Variants in ADGRL3 observed in about 807,000 individuals in gnomAD.
ADGRL3 encodes the protein adhesion G protein-coupled receptor L3, also known as calcium-independent alpha-latrotoxin receptor 3.
ADGRL3 carries 62 observed loss-of-function variants against 153.5 expected under a neutral mutation model. The ratio of observed to expected loss-of-function variants is 0.40; its 90% CI spans 0.33 to 0.50. The LOEUF is 0.50. Among genes scored for constraint, ADGRL3 ranks in the 20% least tolerant of loss-of-function variants. The pLI is 0.47. For synonymous variants in ADGRL3, 710 were observed against 672.5 expected, an observed-to-expected ratio of 1.06 and a Z score of -0.86; for missense variants, 1,641 against 1,859.4, an observed-to-expected ratio of 0.88 and a Z score of 2.16.
intron 13 of ADGRL3, 134 bp from the exon 14 acceptor site, chr4:61,934,705 CA>C (rs2098831096): frequency 6.8e-6 from 4 of 592,074 alleles, no homozygotes; most frequent in African/African-American, 1.8e-5. Context: ...CAGCATGTCA[CA>C]GGGGAGGCTG....
intron 2 of ADGRL3, among the ~76,000 whole-genome samples, chr4:61,411,316 C>T (rs1448638723): frequency 2.0e-5 from 3 of 152,138 alleles, no homozygotes; most frequent in Non-Finnish European, 4.4e-5. Context: ...AGTTATTTCA[C>T]TGACTGTCTC....
intron 14 of ADGRL3, 124 bp downstream of exon 14, chr4:61,935,147 T>C: frequency 1.3e-6 from 1 of 772,104 alleles, no homozygotes; most frequent in South Asian, 1.9e-5. Context: ...AAAGTCATTC[T>C]TTTTCTAAAA....
chr4:61,380,526 T>G (rs1436878702), intron 1 of ADGRL3, among the ~76,000 whole-genome samples: 1 of 152,034 alleles, frequency 6.6e-6, no homozygotes, highest in Non-Finnish European at 1.5e-5. Context: ...TATATGTGAT[T>G]GCTTTACAAA....
intron 9 of ADGRL3, among the ~76,000 whole-genome samples, chr4:61,889,560 A>G (rs1486853303): frequency 6.6e-6 from 1 of 152,182 alleles, no homozygotes. Flanking sequence ...AAGGTAGAGA[A>G]TGATTTGAAT....
At chr4:61,609,504 C>T (rs757313877) in intron 5 of ADGRL3, among the ~76,000 whole-genome samples, 2 of 151,946 alleles carry the variant, frequency 1.3e-5, no homozygotes, top group African/African-American at 2.4e-5. Flanking sequence ...AAGGAGTAAA[C>T]ATGGTTCATG....
Position 61,809,773 on chromosome 4 carries a change from G to A in ADGRL3, c.1400-4036G>A, listed in dbSNP as rs74844645. On this transcript the variant is annotated intron_variant, in intron 8 of 26. Coordinates refer to ENST00000683033, the MANE Select transcript of ADGRL3 (RefSeq NM_001387552.1). The stretch of plus-strand genomic sequence containing the variant: ...ATGCCAAACACCGAGAAAGGCACCT[G>A]TGCCTCATGAATTAATGAACAAAAG... Among the ~76,000 whole-genome samples, 916 of 151,834 alleles carry A rather than the reference G, an allele frequency of 6.0e-3. 14 individuals carry two copies. Among genetic ancestry groups the A allele is most frequent in the African/African-American group, 0.021 (878 of 41,410 alleles).
At chr4:61,258,435 T>A (rs2092205595) in intron 1 of ADGRL3, among the ~76,000 whole-genome samples, 1 of 152,200 alleles carries the variant, frequency 6.6e-6, no homozygotes, top group Admixed American at 6.5e-5. Context: ...TTCTGGTTTT[T>A]GTTCTGCTCC....
intron 13 of ADGRL3, among the ~76,000 whole-genome samples, chr4:61,923,919 A>G (rs986646105): frequency 6.6e-6 from 1 of 152,072 alleles, no homozygotes; most frequent in Non-Finnish European, 1.5e-5. Flanking sequence ...GTCTCCAAAT[A>G]TTTACTGTTT....
At chr4:61,937,157 C>T (rs1045798559) in intron 15 of ADGRL3, among the ~76,000 whole-genome samples, 1 of 152,178 alleles carries the variant, frequency 6.6e-6, no homozygotes, top group African/African-American at 2.4e-5. Context: ...TGCCCTCCAA[C>T]AGTATAGCCT....
chr4:61,256,937 G>T (rs2092024892), intron 1 of ADGRL3, among the ~76,000 whole-genome samples: 3 of 151,982 alleles, frequency 2.0e-5, no homozygotes, highest in African/African-American at 4.8e-5. Context: ...TCTTATACTT[G>T]AGGTCTTTTA....
At chr4:61,647,304 G>A (rs1421168217) in intron 5 of ADGRL3, among the ~76,000 whole-genome samples, 7 of 151,932 alleles carry the variant, frequency 4.6e-5, no homozygotes, top group Non-Finnish European at 7.4e-5. Flanking sequence ...GCTCCTCCCC[G>A]ATTTAACTTT....
intron 4 of ADGRL3, among the ~76,000 whole-genome samples, chr4:61,521,816 A>G (rs1415748064): frequency 2.6e-5 from 4 of 152,110 alleles, no homozygotes; most frequent in Non-Finnish European, 5.9e-5. Context: ...GTTGTTAACC[A>G]ACCATTTACT....
intron 25 of ADGRL3, among the ~76,000 whole-genome samples, chr4:62,052,989 A>G (rs919433435): frequency 1.3e-5 from 2 of 151,508 alleles, no homozygotes; most frequent in Non-Finnish European, 3.0e-5. Flanking sequence ...TTATAATTCA[A>G]AATTTTAAAA....
At chr4:61,874,897 T>C (rs1048808858) in intron 9 of ADGRL3, among the ~76,000 whole-genome samples, 5 of 137,826 alleles carry the variant, frequency 3.6e-5, no homozygotes, top group South Asian at 5.0e-4. Flanking sequence ...CAAGCTCCGC[T>C]TCCCGGGTTC....
chr4:61,903,929 A>AT lies in ADGRL3; in HGVS notation c.1888-5621dup, dbSNP rs563626463. Among the ~76,000 whole-genome samples the AT allele has an allele frequency of 1.8e-3, 267 of 149,138 alleles. 2 individuals carry two copies. The highest frequency in any genetic ancestry group is 5.3e-3 in the African/African-American group (214 of 40,710). ...CAGGGACCACTGTGGGCCCTGAGAA[A>AT]TTTTTTTTTTCTTTAATTTTGTAGA... On this transcript the variant is annotated intron_variant, in intron 11 of 26. Coordinates refer to ENST00000683033, the MANE Select transcript of ADGRL3 (RefSeq NM_001387552.1).
intron 6 of ADGRL3, among the ~76,000 whole-genome samples, chr4:61,693,931 A>T (rs187459732): frequency 2.0e-5 from 3 of 152,140 alleles, no homozygotes; most frequent in Non-Finnish European, 4.4e-5. Context: ...CTGAATGCTA[A>T]AAGTATGAAT....
intron 6 of ADGRL3, among the ~76,000 whole-genome samples, chr4:61,708,872 G>A (rs572045269): frequency 3.3e-5 from 5 of 152,016 alleles, no homozygotes; most frequent in African/African-American, 4.8e-5. Flanking sequence ...TACAGTGGCC[G>A]TGATCTTGGC....
chr4:61,616,119 T>A (rs1398909244), intron 5 of ADGRL3, among the ~76,000 whole-genome samples: 1 of 152,106 alleles, frequency 6.6e-6, no homozygotes, highest in Non-Finnish European at 1.5e-5. Context: ...AGGCTGGCAA[T>A]GTAAGTAATT....
rs143056037 is a variant in ADGRL3 at position 61,400,438 on chromosome 4, T to C, written c.-174+17249T>C. The stretch of plus-strand genomic sequence containing the variant: ...CGATGTACTTTTTATTTTCTAGAGG[T>C]GATGAAAAGTGAACTAGAAATAATT... On this transcript the variant is annotated intron_variant, in intron 2 of 26. Transcript: ENST00000683033. 1.8e-3 allele frequency among the ~76,000 whole-genome samples: 274 copies of C among 151,846 alleles called. 2 individuals carry two copies. Among genetic ancestry groups the C allele is most frequent in the African/African-American group, 6.4e-3 (265 of 41,508 alleles).
Sources: gnomAD v4.1 joint callset for allele counts (sites outside exome capture counted in the v4.1 genomes callset) on GRCh38, gnomAD v4.1.1 for gene constraint, MANE v1.5 for transcripts, NCBI Gene and HGNC (gene_info 2026-07-23, HGNC 2026-07-21) for gene names.